The following SCAPER variants were observed in gnomAD, a reference collection of about 807,000 sequenced individuals.
SCAPER encodes S phase cyclin A-associated protein in the endoplasmic reticulum.
Under a neutral mutation model 182.2 loss-of-function variants are expected in SCAPER, and 98 were observed. The ratio of observed to expected loss-of-function variants is 0.54; its 90% CI spans 0.46 to 0.64. The LOEUF (loss-of-function observed/expected upper bound fraction) is 0.64. Ranked by LOEUF, SCAPER falls within the 30% of genes least tolerant of loss-of-function variation. The pLI is 0.00. For missense variants in SCAPER, 1,432 were observed against 1,690.0 expected, an observed-to-expected ratio of 0.85 and a Z score of 2.68; for synonymous variants, 605 against 564.6, an observed-to-expected ratio of 1.07 and a Z score of -1.01.
intron 18 of SCAPER, among the ~76,000 whole-genome samples, chr15:76,703,612 T>C (rs968310489): frequency 3.3e-5 from 5 of 152,168 alleles, no homozygotes; most frequent in Non-Finnish European, 7.3e-5. Context: ...TACCTATCCA[T>C]TTTACTCATC....
chr15:76,686,915 G>A (rs2058067826), intron 20 of SCAPER, among the ~76,000 whole-genome samples: 2 of 151,992 alleles, frequency 1.3e-5, no homozygotes, highest in Admixed American at 1.3e-4. Flanking sequence ...GGGACAAGAG[G>A]GAAGAGGATC....
chr15:76,432,860 C>G (rs1261157786), intron 26 of SCAPER, among the ~76,000 whole-genome samples: 1 of 152,166 alleles, frequency 6.6e-6, no homozygotes, highest in Non-Finnish European at 1.5e-5. Flanking sequence ...ATTACATAAC[C>G]TTGGGCTAAG....
intron 20 of SCAPER, among the ~76,000 whole-genome samples, chr15:76,690,412 T>C (rs543271482): frequency 1.2e-4 from 18 of 152,220 alleles, no homozygotes; most frequent in Admixed American, 9.2e-4. Flanking sequence ...CAAGGGGACA[T>C]AGTGACTAAA....
intron 23 of SCAPER, among the ~76,000 whole-genome samples, chr15:76,536,612 C>T (rs1199257218): frequency 6.6e-6 from 1 of 152,156 alleles, no homozygotes; most frequent in Non-Finnish European, 1.5e-5. Flanking sequence ...CAATATCATA[C>T]TGAATGGGCA....
chr15:76,721,279 G>A (rs1279917909), intron 17 of SCAPER, among the ~76,000 whole-genome samples: 1 of 152,060 alleles, frequency 6.6e-6, no homozygotes, highest in Non-Finnish European at 1.5e-5. Context: ...TGTTCCATTG[G>A]TCTATAACTC....
intron 5 of SCAPER, among the ~76,000 whole-genome samples, chr15:76,833,617 C>T (rs980098019): frequency 2.6e-5 from 4 of 152,074 alleles, no homozygotes; most frequent in Non-Finnish European, 5.9e-5. Context: ...CTTCAAAAGA[C>T]GCATCTCACA....
At chr15:76,388,069 A>G (rs2043404822) in intron 27 of SCAPER, among the ~76,000 whole-genome samples, 1 of 152,200 alleles carries the variant, frequency 6.6e-6, no homozygotes, top group Non-Finnish European at 1.5e-5. Flanking sequence ...TGTGTCCAGC[A>G]CTGGGTGCAG....
chr15:76,711,610 G>A (rs2059569959), intron 17 of SCAPER, among the ~76,000 whole-genome samples: 2 of 151,992 alleles, frequency 1.3e-5, no homozygotes, highest in Middle Eastern at 6.8e-3. Flanking sequence ...TGAAAAAATA[G>A]TTTTTAATGA....
At chr15:76,880,246 T>C (rs1179539463) in intron 2 of SCAPER, among the ~76,000 whole-genome samples, 2 of 152,226 alleles carry the variant, frequency 1.3e-5, no homozygotes, top group Non-Finnish European at 1.5e-5. Context: ...TATAATTTAA[T>C]TATGCCTCAG....
At chr15:76,640,622 A>G (rs566700059) in intron 21 of SCAPER, among the ~76,000 whole-genome samples, 5 of 152,198 alleles carry the variant, frequency 3.3e-5, no homozygotes, top group Admixed American at 6.5e-5. Flanking sequence ...TTTATTGTCC[A>G]TATGTAAAAT....
In SCAPER at chr15:76,603,955, C is replaced by T. The variant is rs1450630268; in HGVS notation, c.2711+17809G>A. 7.1e-4 allele frequency among the ~76,000 whole-genome samples: 83 copies of T among 116,816 alleles called. 10 individuals are homozygous for T. Among genetic ancestry groups the T allele is most frequent in the African/African-American group, 1.8e-3 (72 of 39,198 alleles). The allele number at this position is 116,816 out of a possible 152,430, so 76.6% of individuals were successfully genotyped here. On this transcript the variant is annotated intron_variant, in intron 22 of 31. Transcript: ENST00000563290. ...TGTCAGATGAGTAGGTTGCAAAAAT[C>T]TTCTCCCATTCTGTAGGTTGCCTGT...
In SCAPER at chr15:76,578,693, T is replaced by C. The variant is rs72738853; in HGVS notation, c.2712-4409A>G. Among the ~76,000 whole-genome samples the C allele has an allele frequency of 9.8e-3, 1,495 of 152,312 alleles. 5 individuals are homozygous for C. The highest frequency in any genetic ancestry group is 0.015 in the Non-Finnish European group (1,000 of 68,042). On this transcript the variant is annotated intron_variant, in intron 22 of 31. Transcript: ENST00000563290. ...ATGCAGATATAACTGCAGTGGCCAA[T>C]AGCTTAGGTTTCAACACCCAAGTCC...
At chr15:76,442,580 T>C (rs2047691390) in intron 25 of SCAPER, among the ~76,000 whole-genome samples, 1 of 152,240 alleles carries the variant, frequency 6.6e-6, no homozygotes, top group Admixed American at 6.5e-5. Flanking sequence ...AATTAATATT[T>C]ACTGAGAGTC....
At chr15:76,877,461 T>G (rs544092326) in intron 2 of SCAPER, among the ~76,000 whole-genome samples, 1 of 152,308 alleles carries the variant, frequency 6.6e-6, no homozygotes, top group East Asian at 1.9e-4. Flanking sequence ...CTCGAAGTGC[T>G]TCTCCACAAA....
chr15:76,539,005 A>G (rs1010453485), intron 23 of SCAPER, among the ~76,000 whole-genome samples: 1 of 152,134 alleles, frequency 6.6e-6, no homozygotes, highest in South Asian at 2.1e-4. Flanking sequence ...ACAAGTTTAT[A>G]TGAATCAACT....
chr15:76,440,939 G>A (rs1358319269), intron 25 of SCAPER, among the ~76,000 whole-genome samples: 1 of 45,924 alleles, frequency 2.2e-5, no homozygotes, highest in African/African-American at 8.3e-5. Flanking sequence ...TTTTTTTTTT[G>A]GGGACGGAGT....
chr15:76,596,380 GA>G (rs2049499822), intron 22 of SCAPER, among the ~76,000 whole-genome samples: 1 of 111,874 alleles, frequency 8.9e-6, no homozygotes, highest in African/African-American at 2.7e-5. Context: ...AATTCTACCA[GA>G]GGTACAAAGA....
chr15:76,849,610 T>C (rs1232037677), intron 4 of SCAPER, among the ~76,000 whole-genome samples: 1 of 152,150 alleles, frequency 6.6e-6, no homozygotes, highest in Non-Finnish European at 1.5e-5. Context: ...ACCCACACTT[T>C]GACAGCATTG....
intron 16 of SCAPER, among the ~76,000 whole-genome samples, chr15:76,732,048 T>A (rs1041720709): frequency 2.6e-5 from 4 of 152,196 alleles, no homozygotes; most frequent in African/African-American, 9.6e-5. Context: ...AGTCTGCTGA[T>A]GAAAGAACTG....
Sources: gnomAD v4.1 joint callset for allele counts (sites outside exome capture counted in the v4.1 genomes callset) on GRCh38, gnomAD v4.1.1 for gene constraint, MANE v1.5 for transcripts, NCBI Gene and HGNC (gene_info 2026-07-23, HGNC 2026-07-21) for gene names.